The following TOMM7 variants were observed in gnomAD, a reference collection of about 807,000 sequenced individuals.
TOMM7 encodes the protein mitochondrial import receptor subunit TOM7 homolog.
A neutral mutation model predicts 9.5 loss-of-function variants in TOMM7; 8 were observed. The ratio of observed to expected loss-of-function variants is 0.84; its 90% CI spans 0.49 to 1.51. TOMM7 has a LOEUF of 1.51. TOMM7 is among the 40% of genes most tolerant of loss of function. The pLI, the probability that TOMM7 is intolerant of heterozygous loss-of-function variation, is 0.00. For missense variants in TOMM7, 74 were observed against 63.7 expected (o/e 1.16, Z -0.55); for synonymous variants, 27 against 21.4 (o/e 1.26, Z -0.72).
In TOMM7 at chr7:22,822,751, T is replaced by G; in HGVS notation, c.29A>C (p.Gln10Pro). The G allele has an allele frequency of 6.2e-7, 1 of 1,614,236 alleles. No individual in the cohort carries two copies. The change falls in exon 1 of 3, where the codon CAG becomes CCG. Residue 10 changes from glutamine (Q) to proline (P), a missense_variant. By Grantham distance (76) the Gln-to-Pro change is moderately conservative (BLOSUM62 -1). Coordinates refer to ENST00000358435, the MANE Select transcript of TOMM7 (RefSeq NM_019059.5). ...CCCCTTGAAGAGCTGCTGTAGTCTC[T>G]GCTTGGCCTCTTTGCTCAGCTTCAC... is the stretch of plus-strand genomic sequence containing the variant. MVKLSKEAK[Q>P]RLQQLFKGSQ...
chr7:22,822,473 C>G (rs1782406910), intron 1 of TOMM7: 1 of 700,238 alleles, frequency 1.4e-6, no homozygotes, highest in Non-Finnish European at 2.4e-6. Context: ...GATTGCAAGA[C>G]TGCTTAAAGA....
intron 1 of TOMM7, among the ~76,000 whole-genome samples, chr7:22,819,556 A>G (rs1782360265): frequency 6.6e-6 from 1 of 152,146 alleles, no homozygotes; most frequent in East Asian, 1.9e-4. Flanking sequence ...TTTTTAGTAG[A>G]GACAGAGTTT....
intron 1 of TOMM7, among the ~76,000 whole-genome samples, chr7:22,820,893 T>G (rs1233174262): frequency 6.6e-6 from 1 of 152,228 alleles, no homozygotes. Flanking sequence ...TTGCAACTCA[T>G]GGAGAAATAG....
rs1782406795 is a variant in TOMM7 at position 22,822,467 on chromosome 7, G to T, written c.103+210C>A. ...ATGCAAAAATAGAAAAGGAGGGATT[G>T]CAAGACTGCTTAAAGACCATGCAAC... On this transcript the variant is annotated intron_variant, in intron 1 of 2. Coordinates refer to ENST00000358435, the MANE Select transcript of TOMM7 (RefSeq NM_019059.5). The T allele has an allele frequency of 5.6e-6, 4 of 707,982 alleles. No homozygotes were observed. In the South Asian group the frequency reaches 5.7e-5, roughly 10 times the overall value. 43.9% of individuals were successfully genotyped at this position (707,982 alleles called of 1,614,324 possible).
At chr7:22,822,324 G>A (rs1782404757) in intron 1 of TOMM7, 3 of 1,507,256 alleles carry the variant, frequency 2.0e-6, no homozygotes, top group Non-Finnish European at 2.7e-6. Flanking sequence ...ACATGGAGCG[G>A]TGAGGAAAAA....
intron 2 of TOMM7, among the ~76,000 whole-genome samples, chr7:22,814,438 G>C (rs995480073): frequency 4.0e-5 from 6 of 151,594 alleles, no homozygotes; most frequent in Non-Finnish European, 7.4e-5. Context: ...AGGACCACCT[G>C]AGCTCAGGAG....
chr7:22,813,256 C>A lies in TOMM7; in HGVS notation c.153-71G>T, dbSNP rs576075380. On this transcript the variant is annotated intron_variant, in intron 2 of 2. Transcript: ENST00000358435. The stretch of plus-strand genomic sequence containing the variant: ...AAATCTTCTAGACATAACCTAAGAC[C>A]TAGAAAATTTTATACATTTATGTTT... The A allele has an allele frequency of 6.4e-6, 9 of 1,413,618 alleles. No individual in the cohort carries two copies. The East Asian group carries it at 1.8e-4, about 29-fold the overall frequency. The allele number at this position is 1,413,618 out of a possible 1,614,324, so 87.6% of individuals were successfully genotyped here. A position where few individuals can be genotyped will look rare whatever the true frequency, so the allele number is the denominator to read the frequency against.
rs375229765 is a variant in TOMM7, at chr7:22,813,204, G to C, written c.153-19C>G. 1 of 1,606,270 alleles carries C rather than the reference G, an allele frequency of 6.2e-7. No individual in the cohort carries two copies. Among genetic ancestry groups the C allele is most frequent in the Non-Finnish European group, 8.5e-7 (1 of 1,177,004 alleles). On this transcript the variant is annotated intron_variant, in intron 2 of 2. Transcript: ENST00000358435. ...AAGTAGGCTAAAATGTTTGTGAAGA[G>C]AAGAAAGAAATTAAATTCCGAAATA...
At chr7:22,818,262 C>A in intron 1 of TOMM7, 1 of 484,038 alleles carries the variant, frequency 2.1e-6, no homozygotes. Context: ...GTAGGAAGAA[C>A]AAGCTATCTT....
At chr7:22,822,328 G>A (rs992352914) in intron 1 of TOMM7, 107 of 1,496,740 alleles carry the variant, frequency 7.1e-5, no homozygotes, top group Middle Eastern at 1.7e-4. Context: ...GGAGCGGTGA[G>A]GAAAAACACC....
intron 1 of TOMM7, among the ~76,000 whole-genome samples, chr7:22,819,586 G>T (rs141222163): frequency 6.6e-6 from 1 of 152,146 alleles, no homozygotes; most frequent in African/African-American, 2.4e-5. Flanking sequence ...GGTCAGCCTG[G>T]TCTCGAACTC....
At chr7:22,816,921 G>T (rs570979767) in intron 2 of TOMM7, among the ~76,000 whole-genome samples, 1 of 152,198 alleles carries the variant, frequency 6.6e-6, no homozygotes, top group East Asian at 1.9e-4. Flanking sequence ...ACCTAAAGCA[G>T]TGGCTGACAC....
intron 2 of TOMM7, among the ~76,000 whole-genome samples, chr7:22,816,988 G>A (rs923134684): frequency 2.0e-5 from 3 of 152,136 alleles, no homozygotes; most frequent in Non-Finnish European, 4.4e-5. Flanking sequence ...ACATGGCTTC[G>A]AGTAAAAGTT....
intron 2 of TOMM7, among the ~76,000 whole-genome samples, chr7:22,816,692 T>C (rs1385875535): frequency 1.3e-5 from 2 of 152,184 alleles, no homozygotes; most frequent in African/African-American, 4.8e-5. Context: ...AAGACCTTCC[T>C]CTGAAAAAGA....
chr7:22,819,513 G>A (rs1038181062), intron 1 of TOMM7, among the ~76,000 whole-genome samples: 1 of 152,176 alleles, frequency 6.6e-6, no homozygotes, highest in Admixed American at 6.5e-5. Flanking sequence ...TGGGATTACA[G>A]GCATGCGCCA....
At chr7:22,819,801 T>G (rs1267013536) in intron 1 of TOMM7, among the ~76,000 whole-genome samples, 1 of 152,238 alleles carries the variant, frequency 6.6e-6, no homozygotes, top group African/African-American at 2.4e-5. Context: ...CATCAGAGCC[T>G]CTGCTTATAA....
At chr7:22,818,169 C>A (rs1450711245) in intron 1 of TOMM7, 121 bp from the exon 2 acceptor site, 9 of 817,892 alleles carry the variant, frequency 1.1e-5, no homozygotes, top group Non-Finnish European at 1.8e-5. Context: ...GATATCTAGA[C>A]CAACCAGTAC....
chr7:22,817,038 G>A (rs1330336569), intron 2 of TOMM7, among the ~76,000 whole-genome samples: 2 of 152,206 alleles, frequency 1.3e-5, no homozygotes, highest in East Asian at 3.8e-4. Flanking sequence ...TCAGTGAACA[G>A]TCTGTGAGGG....
At chr7:22,822,302 C>G in intron 1 of TOMM7, 1 of 1,537,826 alleles carries the variant, frequency 6.5e-7, no homozygotes, top group East Asian at 2.5e-5. Context: ...AGGACTCTTT[C>G]CACTTAGGAC....
Sources: gnomAD v4.1 joint callset for allele counts (sites outside exome capture counted in the v4.1 genomes callset) on GRCh38, gnomAD v4.1.1 for gene constraint, MANE v1.5 for transcripts, NCBI Gene and HGNC (gene_info 2026-07-23, HGNC 2026-07-21) for gene names.